The following SPAG6 variants were observed in gnomAD, a reference collection of about 807,000 sequenced individuals.
The protein encoded by SPAG6 is sperm associated antigen 6.
A neutral mutation model predicts 58.5 loss-of-function variants in SPAG6; 49 were observed. The ratio of observed to expected loss-of-function variants is 0.84; its 90% CI spans 0.67 to 1.06. The LOEUF (loss-of-function observed/expected upper bound fraction) is 1.06, where lower values mean the gene tolerates loss of function less well. Ranked by LOEUF, SPAG6 falls within the 50% of genes least tolerant of loss-of-function variation. The pLI, the probability that SPAG6 is intolerant of heterozygous loss-of-function variation, is 0.00. For missense variants in SPAG6, 560 were observed against 611.3 expected (o/e 0.92, Z 0.89); for synonymous variants, 233 against 225.6 (o/e 1.03, Z -0.29).
chr10:22,349,414 A>G (rs1169708719), intron 2 of SPAG6, among the ~76,000 whole-genome samples: 1 of 152,218 alleles, frequency 6.6e-6, no homozygotes, highest in Admixed American at 6.5e-5. Context: ...ACATGACTGT[A>G]ATAGTAGAGA....
intron 4 of SPAG6, among the ~76,000 whole-genome samples, chr10:22,373,758 A>G (rs972589799): frequency 2.6e-5 from 4 of 152,142 alleles, no homozygotes; most frequent in Admixed American, 6.6e-5. Flanking sequence ...TAGGGGGTTG[A>G]GGAACACAAA....
At chr10:22,358,896 A>T (rs1338304299) in intron 2 of SPAG6, among the ~76,000 whole-genome samples, 1 of 152,132 alleles carries the variant, frequency 6.6e-6, no homozygotes, top group Non-Finnish European at 1.5e-5. Context: ...AACTTTAGAA[A>T]TTTTATCTAA....
At chr10:22,402,643 A>C (rs999315325) in intron 9 of SPAG6, among the ~76,000 whole-genome samples, 11 of 152,222 alleles carry the variant, frequency 7.2e-5, no homozygotes, top group African/African-American at 2.7e-4. Flanking sequence ...TCCTCCTTCC[A>C]ATAAAATAAA....
chr10:22,405,973 C>T (rs1417084478), intron 9 of SPAG6, among the ~76,000 whole-genome samples: 8 of 152,166 alleles, frequency 5.3e-5, no homozygotes, highest in Admixed American at 1.3e-4. Context: ...TCTGTGGGAT[C>T]GGTGGTGATA....
At chr10:22,370,766 A>G (rs1244676828) in intron 4 of SPAG6, among the ~76,000 whole-genome samples, 3 of 152,336 alleles carry the variant, frequency 2.0e-5, no homozygotes, top group Middle Eastern at 3.4e-3. Context: ...CCTTAAGACT[A>G]TTGTTTAGTA....
chr10:22,358,378 G>A (rs1474933916), intron 2 of SPAG6, among the ~76,000 whole-genome samples: 2 of 151,726 alleles, frequency 1.3e-5, no homozygotes, highest in East Asian at 1.9e-4. Context: ...CTGCATAAAT[G>A]TCTTCTTTTG....
chr10:22,391,002 G>T (rs1834171758), intron 7 of SPAG6, among the ~76,000 whole-genome samples: 1 of 152,130 alleles, frequency 6.6e-6, no homozygotes, highest in African/African-American at 2.4e-5. Flanking sequence ...ATTAGAATTT[G>T]ATTTTTTAAA....
At chr10:22,406,334 T>G (rs927169290) in intron 9 of SPAG6, among the ~76,000 whole-genome samples, 17 of 152,202 alleles carry the variant, frequency 1.1e-4, no homozygotes, top group African/African-American at 4.8e-5. Flanking sequence ...TCTGGTATGT[T>G]GTGTCTTTGT....
At chr10:22,412,299 C>T (rs1163878381) in intron 10 of SPAG6, 1 of 551,144 alleles carries the variant, frequency 1.8e-6, no homozygotes, top group Admixed American at 3.3e-5. Flanking sequence ...CATGCTGTAA[C>T]ATATACTTAC....
At chr10:22,396,270 G>A (rs1213823958) in intron 8 of SPAG6, among the ~76,000 whole-genome samples, 4 of 152,156 alleles carry the variant, frequency 2.6e-5, no homozygotes, top group Non-Finnish European at 5.9e-5. Flanking sequence ...TTTGAATCAT[G>A]GGTGTGGTTT....
At chr10:22,378,423 T>G (rs912725591) in intron 4 of SPAG6, among the ~76,000 whole-genome samples, 7 of 151,752 alleles carry the variant, frequency 4.6e-5, no homozygotes, top group Non-Finnish European at 8.8e-5. Flanking sequence ...GCAGGTTTTT[T>G]TTTTTTTTTT....
intron 2 of SPAG6, among the ~76,000 whole-genome samples, chr10:22,363,996 G>T (rs1837120881): frequency 6.6e-6 from 1 of 152,112 alleles, no homozygotes; most frequent in Non-Finnish European, 1.5e-5. Flanking sequence ...TTTACAGTAA[G>T]GCAAAGTTAA....
Position 22,384,947 on chromosome 10 carries a change from C to T in SPAG6, c.473-1807C>T, listed in dbSNP as rs139122519. On this transcript the variant is annotated intron_variant, in intron 4 of 10. Coordinates refer to ENST00000376624, the MANE Select transcript of SPAG6 (RefSeq NM_012443.4). ...GTTTTTGTTAATAGTACTTTTAAAC[C>T]GTTGTAGTTTGCTACATATTCTTTA... Among the ~76,000 whole-genome samples, 437 of 151,578 alleles carry T rather than the reference C, an allele frequency of 2.9e-3. 1 individual carries two copies. Among genetic ancestry groups the T allele is most frequent in the Middle Eastern group, 0.024 (7 of 292 alleles).
intron 9 of SPAG6, among the ~76,000 whole-genome samples, chr10:22,408,934 A>T (rs996519489): frequency 6.6e-6 from 1 of 152,192 alleles, no homozygotes; most frequent in Non-Finnish European, 1.5e-5. Context: ...TTTGACTAGG[A>T]AAGGGAACTC....
chr10:22,382,089 A>G (rs755770602), intron 4 of SPAG6, among the ~76,000 whole-genome samples: 7 of 152,210 alleles, frequency 4.6e-5, no homozygotes, highest in Admixed American at 3.3e-4. Context: ...TGTCACCCCA[A>G]GTTTTTACGG....
At chr10:22,370,857 GT>G (rs964772810) in intron 4 of SPAG6, among the ~76,000 whole-genome samples, 8 of 151,614 alleles carry the variant, frequency 5.3e-5, no homozygotes, top group Admixed American at 1.3e-4. Flanking sequence ...TATTTAGTAA[GT>G]TTTTTTTTAA....
intron 8 of SPAG6, among the ~76,000 whole-genome samples, chr10:22,393,731 T>A (rs1052798487): frequency 6.6e-6 from 1 of 152,186 alleles, no homozygotes; most frequent in Non-Finnish European, 1.5e-5. Context: ...ATTGTAGGGA[T>A]TTGATCATTC....
At chr10:22,353,512 T>C (rs1007203029) in intron 2 of SPAG6, among the ~76,000 whole-genome samples, 4 of 152,242 alleles carry the variant, frequency 2.6e-5, no homozygotes, top group Non-Finnish European at 4.4e-5. Context: ...TGACTTCTTG[T>C]ACCTAAAAAG....
chr10:22,410,953 C>T, intron 9 of SPAG6, 78 bp from the exon 10 acceptor site: 1 of 1,409,978 alleles, frequency 7.1e-7, no homozygotes, highest in Non-Finnish European at 9.6e-7. Context: ...CATTTTCTCA[C>T]ATACAGTATT....
Sources: allele counts gnomAD v4.1 joint callset (sites outside exome capture counted in the v4.1 genomes callset), GRCh38; gene constraint gnomAD v4.1.1; transcripts MANE v1.5; gene names NCBI Gene and HGNC (gene_info 2026-07-23, HGNC 2026-07-21).